Variants in KCNT1 observed in about 807,000 individuals in gnomAD.
The protein encoded by KCNT1 is potassium sodium-activated channel subfamily T member 1.
In KCNT1, 78 loss-of-function variants were observed where a neutral mutation model predicts 147.8. That is an observed-to-expected ratio of 0.53 (90% CI 0.44 to 0.64). The LOEUF is 0.64. Ranked by LOEUF, KCNT1 falls within the 30% of genes least tolerant of loss-of-function variation. The pLI is 0.00. For synonymous variants in KCNT1, 867 were observed against 748.8 expected (o/e 1.16, Z -2.58); for missense variants, 1,419 against 1,750.3 (o/e 0.81, Z 3.38).
intron 1 of KCNT1, chr9:135,702,919 G>A (rs1835093266): frequency 6.5e-6 from 1 of 154,138 alleles, no homozygotes; most frequent in Admixed American, 6.4e-5. Context: ...GTCACTCCTC[G>A]TTCCCCGCTG....
At chr9:135,772,529 C>T (rs921218982) in intron 18 of KCNT1, among the ~76,000 whole-genome samples, 186 bp from the exon 19 acceptor site, 1 of 152,216 alleles carries the variant, frequency 6.6e-6, no homozygotes, top group Non-Finnish European at 1.5e-5. Context: ...ATCGCCACCC[C>T]AGAGGCCACT....
At chr9:135,728,133 G>A (rs937549941) in intron 2 of KCNT1, among the ~76,000 whole-genome samples, 6 of 152,198 alleles carry the variant, frequency 3.9e-5, no homozygotes, top group South Asian at 2.1e-4. Context: ...GGCCACCGCC[G>A]AGGGGTGCCT....
chr9:135,749,995 A>G (rs1305092380), intron 2 of KCNT1, 103 bp from the exon 3 acceptor site: 3 of 866,384 alleles, frequency 3.5e-6, no homozygotes. Flanking sequence ...CAACTCCTGC[A>G]GTTGGAAAGT....
chr9:135,744,348 T>C (rs1830706863), intron 2 of KCNT1, among the ~76,000 whole-genome samples: 1 of 152,218 alleles, frequency 6.6e-6, no homozygotes, highest in Non-Finnish European at 1.5e-5. Context: ...GTGGGCACCA[T>C]GAGAGCCCCT....
intron 2 of KCNT1, among the ~76,000 whole-genome samples, chr9:135,729,456 C>G (rs149363429): frequency 7.8e-4 from 119 of 152,382 alleles, no homozygotes; most frequent in Non-Finnish European, 1.5e-3. Flanking sequence ...GCTCCAGATG[C>G]GGGCCCAGCC....
intron 2 of KCNT1, among the ~76,000 whole-genome samples, chr9:135,748,439 G>T (rs1022160237): frequency 6.6e-6 from 1 of 152,180 alleles, no homozygotes; most frequent in Non-Finnish European, 1.5e-5. Flanking sequence ...GAGATGTTGG[G>T]GTCACCAGCC....
At chr9:135,733,801 C>A (rs946281592) in intron 2 of KCNT1, among the ~76,000 whole-genome samples, 11 of 148,084 alleles carry the variant, frequency 7.4e-5, no homozygotes, top group Admixed American at 5.3e-4. Context: ...TAGCACCAGG[C>A]GTGGGTGCCC....
In KCNT1 at chr9:135,791,696, A is replaced by G. The variant is rs570682526; in HGVS notation, c.3503-101A>G. The G allele has an allele frequency of 6.3e-5, 63 of 1,006,618 alleles. No homozygotes were observed. The African/African-American group carries it at 9.7e-4, about 15-fold the overall frequency. 62.4% of individuals were successfully genotyped at this position (1,006,618 alleles called of 1,614,324 possible). The stretch of plus-strand genomic sequence containing the variant: ...GAGCAGAATGGTCAGGAAGGCCGGA[A>G]AGACTCAGCTCATCCTGGAGCCCCC... On this transcript the variant is annotated intron_variant, in intron 29 of 30. Coordinates refer to ENST00000371757, the MANE Select transcript of KCNT1 (RefSeq NM_020822.3).
rs1554774904 is a variant in KCNT1 at position 135,770,426 on chromosome 9, C to T, written c.1748C>T (p.Ala583Val). The T allele has an allele frequency of 6.2e-7, 1 of 1,612,348 alleles. No homozygotes were observed. The highest frequency in any genetic ancestry group is 1.7e-4 in the Middle Eastern group (1 of 6,054). ...REYEGKSFTY[A>V]AFHAHKKYGV... ...TACGAGGGCAAGAGCTTCACCTACG[C>T]GGCCTTCCACGCCCACAAGAAGTAA... Residue 583 changes from alanine to valine, a missense_variant, in exon 17 of 31, where the codon GCG (alanine) becomes GTG (valine). Transcript: ENST00000371757.
At position 135,729,788 on chromosome 9, in the gene KCNT1, T is replaced by G. The variant is rs1405742719; in HGVS notation, c.254+15068T>G. The stretch of plus-strand genomic sequence containing the variant: ...CTTACTTGATCGAGGCTTGAAAATG[T>G]TGCACGTGCCCTTGGTGTCTGCGTG... On this transcript the variant is annotated intron_variant, in intron 2 of 30. Coordinates refer to ENST00000371757, the MANE Select transcript of KCNT1 (RefSeq NM_020822.3). 2.6e-5 allele frequency among the ~76,000 whole-genome samples: 4 copies of G among 152,196 alleles called. No individual in the cohort carries two copies. The East Asian group carries it at 7.7e-4, about 29-fold the overall frequency.
intron 11 of KCNT1, among the ~76,000 whole-genome samples, chr9:135,762,948 C>T (rs1290635033): frequency 6.6e-6 from 1 of 152,238 alleles, no homozygotes; most frequent in African/African-American, 2.4e-5. Context: ...CACTGTAGCT[C>T]GAGCTCCGTG....
chr9:135,709,160 C>T (rs1835378153), intron 1 of KCNT1, among the ~76,000 whole-genome samples: 1 of 152,160 alleles, frequency 6.6e-6, no homozygotes. Flanking sequence ...AGCTGGGTGC[C>T]CAGAGAAACC....
rs56307359 is a variant in KCNT1, at chr9:135,730,990, T to TAAAAAAAAAAAAAAAAAAAAAAAAA, written c.254+16293_254+16294insAAAAAAAAAAAAAAAAAAAAAAAAA. ...AACAAAGTGAGATCCCGTCTCAAGG[T>TAAAAAAAAAAAAAAAAAAAAAAAAA]AAAAAAAAAAAAAAAAAAAAAAAGT... On this transcript the variant is annotated intron_variant, in intron 2 of 30. Transcript: ENST00000371757. This position sits in a 1 kb window ranked among gnomAD's most constrained non-coding sequence, Gnocchi z 4.7. Among the ~76,000 whole-genome samples, 1 of 85,594 alleles carries TAAAAAAAAAAAAAAAAAAAAAAAAA rather than the reference T, an allele frequency of 1.2e-5. No homozygotes were observed. 56.2% of individuals were successfully genotyped at this position (85,594 alleles called of 152,430 possible).
chr9:135,792,341 C>T lies in KCNT1; in HGVS notation c.*180C>T. ...ATGCGGGGGGAGGGCCAGCTCACCC[C>T]TGGGCACCTGCAGGCTAGTGAGGAG... On this transcript the variant is annotated 3_prime_UTR_variant, in exon 31 of 31. Coordinates refer to ENST00000371757, the MANE Select transcript of KCNT1 (RefSeq NM_020822.3). 2 of 699,470 alleles carry T rather than the reference C, an allele frequency of 2.9e-6. No homozygotes were observed. The highest frequency in any genetic ancestry group is 2.9e-5 in the East Asian group (1 of 34,792). The allele number at this position is 699,470 out of a possible 1,614,324, so 43.3% of individuals were successfully genotyped here. A position where few individuals can be genotyped will look rare whatever the true frequency, so the allele number is the denominator to read the frequency against.
chr9:135,794,718 TCTGGAAAC>T lies in KCNT1; in HGVS notation c.*2558_*2565del, dbSNP rs1588426987. ...AGCCCAAGAAAAGCTGCCTGCAGCA[TCTGGAAAC>T]TTCTGTGCTCTCCTTGGCCTCTGTG... On this transcript the variant is annotated 3_prime_UTR_variant, in exon 31 of 31. Coordinates refer to ENST00000371757, the MANE Select transcript of KCNT1 (RefSeq NM_020822.3). The T allele has an allele frequency of 3.9e-5, 6 of 152,326 alleles. No individual in the cohort carries two copies. In the East Asian group the frequency reaches 1.2e-3, roughly 30 times the overall value. 9.4% of individuals were successfully genotyped at this position (152,326 alleles called of 1,614,324 possible). A position where few individuals can be genotyped will look rare whatever the true frequency, so the allele number is the denominator to read the frequency against.
chr9:135,714,707 CAG>C lies in KCNT1; in HGVS notation c.243_244del (p.Asn82ArgfsTer56). 1 of 1,441,506 alleles carries C rather than the reference CAG, an allele frequency of 6.9e-7. No individual in the cohort carries two copies. Among genetic ancestry groups the C allele is most frequent in the Non-Finnish European group, 9.2e-7 (1 of 1,083,982 alleles). The allele number at this position is 1,441,506 out of a possible 1,614,324, so 89.3% of individuals were successfully genotyped here. A position where few individuals can be genotyped will look rare whatever the true frequency, so the allele number is the denominator to read the frequency against. Reference sequence around the variant, plus strand: ...CCTGCTGCTGGGCGACCCGTCCTTCCAGAACGACGACAGGTAGGGACCGGGCG... The same window carrying C: ...CCTGCTGCTGGGCGACCCGTCCTTCCAACGACGACAGGTAGGGACCGGGCG... ...RDLLLGDPSF[Q>X]NDDRVQVEFY... On this transcript the variant is annotated frameshift_variant, in exon 2 of 31. Transcript: ENST00000371757. LOFTEE classifies it high-confidence loss of function. This position sits in a 1 kb window ranked among gnomAD's most constrained non-coding sequence, Gnocchi z 6.2.
rs550403193 is a variant in KCNT1 at position 135,795,015 on chromosome 9, G to A, written c.*2854G>A. The stretch of plus-strand genomic sequence containing the variant: ...GAAGTCATCACTGCCTAGAATAAGC[G>A]AAAAGAATTTTTTTTAATGTTTTAC... On this transcript the variant is annotated 3_prime_UTR_variant, in exon 31 of 31. Transcript: ENST00000371757. 6.6e-5 allele frequency: 10 copies of A among 152,230 alleles called. No homozygotes were observed. The highest frequency in any genetic ancestry group is 1.4e-4 in the African/African-American group (6 of 41,532). 9.4% of individuals were successfully genotyped at this position (152,230 alleles called of 1,614,324 possible). A position where few individuals can be genotyped will look rare whatever the true frequency, so the allele number is the denominator to read the frequency against.
chr9:135,768,795 C>A lies in KCNT1; in HGVS notation c.1402-34C>A, dbSNP rs372865362. 556 of 1,576,474 alleles carry A rather than the reference C, an allele frequency of 3.5e-4. 3 individuals carry two copies. In the African/African-American group the frequency reaches 7.0e-3, roughly 20 times the overall value. On this transcript the variant is annotated intron_variant, in intron 14 of 30. Transcript: ENST00000371757. ...CCGCCCAGCAGCCCACAGAGGCCAG[C>A]CCGTCTGCACTGACCAACCACCCAC... is the stretch of plus-strand genomic sequence containing the variant.
At chr9:135,728,163 A>G (rs1353453485) in intron 2 of KCNT1, among the ~76,000 whole-genome samples, 1 of 152,180 alleles carries the variant, frequency 6.6e-6, no homozygotes, top group Non-Finnish European at 1.5e-5. Context: ...AGAAGTTGGA[A>G]GAGGCAGGAA....
Sources: allele counts gnomAD v4.1 joint callset (sites outside exome capture counted in the v4.1 genomes callset), GRCh38; gene constraint gnomAD v4.1.1; non-coding constraint Gnocchi (gnomAD v3.1); transcripts MANE v1.5; gene names NCBI Gene and HGNC (gene_info 2026-07-23, HGNC 2026-07-21).